TEX11: variants seen among roughly 807,000 people sequenced by gnomAD.
The protein encoded by TEX11 is testis expressed 11.
A neutral mutation model predicts 84.4 loss-of-function variants in TEX11; 7 were observed. That is an observed-to-expected ratio of 0.08 (90% CI 0.05 to 0.16). The LOEUF is 0.16. TEX11 is among the 10% of genes least tolerant of loss of function. The pLI is 1.00. For synonymous variants in TEX11, 264 were observed against 222.8 expected, an observed-to-expected ratio of 1.18 and a Z score of -1.64; for missense variants, 551 against 660.5, an observed-to-expected ratio of 0.83 and a Z score of 1.82.
rs770293093 is a variant in TEX11 at position 70,735,942 on chromosome X, C to A, written c.843+4759G>T. 2.7e-5 allele frequency among the ~76,000 whole-genome samples: 3 copies of A among 111,340 alleles called. No homozygotes were observed. In the South Asian group the frequency reaches 1.1e-3, roughly 42 times the overall value. ...CTATTGAGCTCCTTTGCCTCCTTAG[C>A]CCATTTTCAATTGGGTTGTTTGTCT... On this transcript the variant is annotated intron_variant, in intron 11 of 29. Coordinates refer to ENST00000374333, the MANE Select transcript of TEX11 (RefSeq NM_031276.3).
At chrX:70,856,007 A>G (rs1042964801) in intron 5 of TEX11, among the ~76,000 whole-genome samples, 1 of 111,699 alleles carries the variant, frequency 9.0e-6, no homozygotes, top group African/African-American at 3.3e-5. Context: ...ACAGTGATAC[A>G]AGCATATGAC....
rs746739636 is a variant in TEX11 at position 70,670,456 on chromosome X, G to A, written c.1301C>T (p.Thr434Ile). Reference sequence around the variant, plus strand: ...GGTGAAGTCCAGATCCATTTCATCAGTTGAATAAAACCTCAGAGAATAATA... The same window carrying A: ...GGTGAAGTCCAGATCCATTTCATCAATTGAATAAAACCTCAGAGAATAATA... ...WYYYSLRFYS[T>I]DEMDLDFTKL... The change falls in exon 16 of 30, where the codon ACT becomes ATT. Residue 434 changes from threonine (T) to isoleucine (I), a missense_variant. Thr to Ile is a moderately conservative substitution (Grantham distance 89, BLOSUM62 -1). Coordinates refer to ENST00000374333, the MANE Select transcript of TEX11 (RefSeq NM_031276.3). 4 of 1,209,601 alleles carry A rather than the reference G, an allele frequency of 3.3e-6. No homozygotes were observed. The East Asian group carries it at 1.2e-4, about 36-fold the overall frequency.
At chrX:70,844,159 C>A (rs1236718068) in intron 7 of TEX11, among the ~76,000 whole-genome samples, 1 of 110,058 alleles carries the variant, frequency 9.1e-6, no homozygotes, top group Non-Finnish European at 1.9e-5. Flanking sequence ...GACACATGCA[C>A]ACGTATGTTT....
rs1418341639 is a variant in TEX11, at chrX:70,606,314, T to C, written c.1950+645A>G. Among the ~76,000 whole-genome samples the C allele has an allele frequency of 2.0e-4, 23 of 112,310 alleles. No homozygotes were observed. In the Admixed American group the frequency reaches 2.2e-3, roughly 11 times the overall value. On this transcript the variant is annotated intron_variant, in intron 23 of 29. Coordinates refer to ENST00000374333, the MANE Select transcript of TEX11 (RefSeq NM_031276.3). Reference sequence around the variant, plus strand: ...TCTTAACATTTAATTGATCTCAACATATCATACTGTGTATTCCTGAATGTG... The same window carrying C: ...TCTTAACATTTAATTGATCTCAACACATCATACTGTGTATTCCTGAATGTG...
At chrX:70,558,730 C>T (rs2088322491) in intron 25 of TEX11, among the ~76,000 whole-genome samples, 1 of 110,997 alleles carries the variant, frequency 9.0e-6, no homozygotes, top group South Asian at 3.8e-4. Flanking sequence ...AAAAGGCAGC[C>T]TAATGAAAAA....
At chrX:70,560,184 C>G (rs1280087851) in intron 25 of TEX11, among the ~76,000 whole-genome samples, 1 of 105,517 alleles carries the variant, frequency 9.5e-6, no homozygotes, top group Non-Finnish European at 1.9e-5. Flanking sequence ...GATTTTCACT[C>G]TTGTTGCCCA....
chrX:70,642,195 T>C (rs1432782108), intron 17 of TEX11, among the ~76,000 whole-genome samples: 1 of 111,704 alleles, frequency 9.0e-6, no homozygotes, highest in Non-Finnish European at 1.9e-5. Context: ...CCTCAACACA[T>C]ACACTCTTCC....
In TEX11 at chrX:70,784,288, C is replaced by T. The variant is rs5981011; in HGVS notation, c.692+22417G>A. On this transcript the variant is annotated intron_variant, in intron 9 of 29. Coordinates refer to ENST00000374333, the MANE Select transcript of TEX11 (RefSeq NM_031276.3). ...CAACAAAATTCAACAGCTCTTCATG[C>T]TAAAAACTCTCAATAAACTAGGTAT... Among the ~76,000 whole-genome samples, 970 of 111,268 alleles carry T rather than the reference C, an allele frequency of 8.7e-3. 13 individuals carry two copies. Among genetic ancestry groups the T allele is most frequent in the African/African-American group, 0.03 (915 of 30,657 alleles).
Position 70,538,132 on chromosome X carries a change from A to G in TEX11, c.2521-8133T>C, listed in dbSNP as rs750685388. The stretch of plus-strand genomic sequence containing the variant: ...GCTTTGTTCTAAGAAGAAGGGAGAG[A>G]AGGAGGTGAAGGTTGATGATAAAGA... On this transcript the variant is annotated intron_variant, in intron 28 of 29. Transcript: ENST00000374333. 4.5e-5 allele frequency among the ~76,000 whole-genome samples: 5 copies of G among 111,317 alleles called. No individual in the cohort carries two copies. The South Asian group carries it at 1.9e-3, about 42-fold the overall frequency.
intron 13 of TEX11, among the ~76,000 whole-genome samples, chrX:70,701,607 T>C (rs1290718774): frequency 8.9e-6 from 1 of 112,348 alleles, no homozygotes. Context: ...TAATTTAGAC[T>C]TTCAAGTCTT....
At chrX:70,545,876 T>C (rs1484558293) in intron 28 of TEX11, among the ~76,000 whole-genome samples, 1 of 111,895 alleles carries the variant, frequency 8.9e-6, no homozygotes, top group African/African-American at 3.2e-5. Flanking sequence ...TGAAATGTCA[T>C]TATGTGGCAC....
At chrX:70,624,681 A>G (rs1422947347) in intron 19 of TEX11, among the ~76,000 whole-genome samples, 158 bp downstream of exon 19, 2 of 111,613 alleles carry the variant, frequency 1.8e-5, no homozygotes, top group Non-Finnish European at 3.8e-5. Flanking sequence ...TCTCAGTCAT[A>G]CCATTAAGTA....
rs182167090 is a variant in TEX11 at position 70,599,183 on chromosome X, A to G, written c.2067+6218T>C. The stretch of plus-strand genomic sequence containing the variant: ...CAAATAAAAGAAAAGAAATAAAGAA[A>G]ATAAAGAAATAAATAAATAAAATAA... On this transcript the variant is annotated intron_variant, in intron 24 of 29. Coordinates refer to ENST00000374333, the MANE Select transcript of TEX11 (RefSeq NM_031276.3). Among the ~76,000 whole-genome samples, 17 of 111,544 alleles carry G rather than the reference A, an allele frequency of 1.5e-4. No individual in the cohort carries two copies. The East Asian group carries it at 4.7e-3, about 31-fold the overall frequency.
chrX:70,868,270 T>C (rs2091609939), intron 4 of TEX11, among the ~76,000 whole-genome samples: 1 of 111,719 alleles, frequency 9.0e-6, no homozygotes, highest in South Asian at 3.8e-4. Flanking sequence ...AAAAAACATA[T>C]TAAAAAAGCT....
chrX:70,579,273 G>C (rs1408766147), intron 25 of TEX11, among the ~76,000 whole-genome samples: 2 of 106,245 alleles, frequency 1.9e-5, no homozygotes, highest in African/African-American at 3.4e-5. Flanking sequence ...TGGATCACGA[G>C]GTCAGGAGAT....
At chrX:70,661,236 C>G (rs1273379635) in intron 16 of TEX11, among the ~76,000 whole-genome samples, 2 of 112,560 alleles carry the variant, frequency 1.8e-5, no homozygotes, top group African/African-American at 6.5e-5. Flanking sequence ...GTATCCCACG[C>G]CTGGCTCAGA....
chrX:70,623,006 G>C (rs929061213), intron 20 of TEX11, among the ~76,000 whole-genome samples: 1 of 111,782 alleles, frequency 8.9e-6, no homozygotes, highest in Admixed American at 9.5e-5. Flanking sequence ...CTTTTGTTTG[G>C]TTTGTTTGAA....
At chrX:70,806,187 G>A (rs919662884) in intron 9 of TEX11, among the ~76,000 whole-genome samples, 13 of 112,231 alleles carry the variant, frequency 1.2e-4, no homozygotes, top group Non-Finnish European at 2.3e-4. Context: ...AGGCGTGGTG[G>A]CTCACGCCTG....
At chrX:70,536,917 T>C (rs2087966694) in intron 28 of TEX11, among the ~76,000 whole-genome samples, 1 of 111,987 alleles carries the variant, frequency 8.9e-6, no homozygotes, top group Non-Finnish European at 1.9e-5. Context: ...AGGGCTTTCC[T>C]GTCCAAGAAC....
Sources: gnomAD v4.1 joint callset for allele counts (sites outside exome capture counted in the v4.1 genomes callset) on GRCh38, gnomAD v4.1.1 for gene constraint, MANE v1.5 for transcripts, NCBI Gene and HGNC (gene_info 2026-07-23, HGNC 2026-07-21) for gene names.